Variants in SLC39A14 observed in about 807,000 individuals in gnomAD.
SLC39A14 encodes the protein solute carrier family 39 member 14, also known as metal cation symporter ZIP14.
In SLC39A14, 19 loss-of-function variants were observed where a neutral mutation model predicts 45.5. The ratio of observed to expected loss-of-function variants is 0.42; its 90% CI spans 0.29 to 0.61. SLC39A14 has a LOEUF of 0.61. Ranked by LOEUF, SLC39A14 falls within the 20% of genes least tolerant of loss-of-function variation. SLC39A14 has a pLI of 0.22. For synonymous variants in SLC39A14, 264 were observed against 251.3 expected (o/e 1.05, Z -0.48); for missense variants, 447 against 616.5 (o/e 0.73, Z 2.91).
chr8:22,398,889 A>G (rs74376162), intron 1 of SLC39A14: 7,997 of 290,978 alleles, frequency 0.027, 142 homozygotes, highest in Non-Finnish European at 0.035. Flanking sequence ...GCTTTTTCCT[A>G]TGTCTCCCTC....
chr8:22,404,264 A>G (rs1419130541), intron 1 of SLC39A14, among the ~76,000 whole-genome samples: 2 of 152,036 alleles, frequency 1.3e-5, no homozygotes, highest in African/African-American at 4.8e-5. Context: ...TCTCTACTAA[A>G]TATAGAAAAA....
chr8:22,422,278 C>G lies in SLC39A14; in HGVS notation c.*2580C>G. The G allele has an allele frequency of 1.0e-6, 1 of 985,598 alleles. No homozygotes were observed. Among genetic ancestry groups the G allele is most frequent in the Non-Finnish European group, 1.2e-6 (1 of 829,924 alleles). The allele number at this position is 985,598 out of a possible 1,614,324, so 61.1% of individuals were successfully genotyped here. A position where few individuals can be genotyped will look rare whatever the true frequency, so the allele number is the denominator to read the frequency against. On this transcript the variant is annotated 3_prime_UTR_variant, in exon 9 of 9. Transcript: ENST00000381237. ...GTGAGGCAGGGACAGGGGTTCTGCT[C>G]CTTCTCACTTCACCACCGGCACACA...
intron 1 of SLC39A14, among the ~76,000 whole-genome samples, chr8:22,375,195 C>T (rs1205327823): frequency 6.7e-6 from 1 of 148,712 alleles, no homozygotes; most frequent in Non-Finnish European, 1.5e-5. Context: ...GAAGTCTCTC[C>T]CAGAAACTGT....
chr8:22,421,447 A>G lies in SLC39A14; in HGVS notation c.*1749A>G, dbSNP rs747765350. ...ATTTGAGAATACGCTGAAGAGGGAAAATTTCAGTGATGGAGATTCTAGATT... is the reference window on the plus strand; with the variant it reads ...ATTTGAGAATACGCTGAAGAGGGAAGATTTCAGTGATGGAGATTCTAGATT... On this transcript the variant is annotated 3_prime_UTR_variant, in exon 9 of 9. Coordinates refer to ENST00000381237, the MANE Select transcript of SLC39A14 (RefSeq NM_001128431.4). 71 of 985,540 alleles carry G rather than the reference A, an allele frequency of 7.2e-5. No homozygotes were observed. The highest frequency in any genetic ancestry group is 8.1e-5 in the Non-Finnish European group (67 of 829,826). 61.0% of individuals were successfully genotyped at this position (985,540 alleles called of 1,614,324 possible).
intron 7 of SLC39A14, among the ~76,000 whole-genome samples, chr8:22,416,909 G>C (rs900455233): frequency 5.3e-5 from 8 of 152,180 alleles, no homozygotes; most frequent in African/African-American, 1.9e-4. Context: ...CAAAGGGTGA[G>C]AGGGACTTCC....
chr8:22,420,686 C>G lies in SLC39A14; in HGVS notation c.*988C>G. The G allele has an allele frequency of 1.0e-6, 1 of 985,368 alleles. No individual in the cohort carries two copies. The highest frequency in any genetic ancestry group is 1.2e-6 in the Non-Finnish European group (1 of 829,914). 61.0% of individuals were successfully genotyped at this position (985,368 alleles called of 1,614,324 possible). A position where few individuals can be genotyped will look rare whatever the true frequency, so the allele number is the denominator to read the frequency against. ...TTGTAGAAATGGGGTGCCATTTATG[C>G]TCTACTTAGACAAGGGTAATCAGAA... On this transcript the variant is annotated 3_prime_UTR_variant, in exon 9 of 9. Transcript: ENST00000381237.
chr8:22,389,688 G>T (rs144319573), intron 1 of SLC39A14, among the ~76,000 whole-genome samples: 1 of 152,158 alleles, frequency 6.6e-6, no homozygotes, highest in African/African-American at 2.4e-5. Flanking sequence ...AGAGGCTTAG[G>T]GGGGCTATCA....
chr8:22,396,331 C>T (rs1377343837), intron 1 of SLC39A14, among the ~76,000 whole-genome samples: 2 of 142,990 alleles, frequency 1.4e-5, no homozygotes, highest in African/African-American at 5.2e-5. Flanking sequence ...CACGCCACTG[C>T]ACTCCAGCCT....
chr8:22,417,470 C>G (rs984059882), intron 7 of SLC39A14, among the ~76,000 whole-genome samples, 181 bp from the exon 8 acceptor site: 3 of 152,140 alleles, frequency 2.0e-5, no homozygotes, highest in Non-Finnish European at 4.4e-5. Context: ...TCGGTGCCCT[C>G]TGTCTCCCAC....
intron 8 of SLC39A14, among the ~76,000 whole-genome samples, chr8:22,432,552 C>A (rs1836482531): frequency 6.6e-6 from 1 of 151,518 alleles, no homozygotes; most frequent in Non-Finnish European, 1.5e-5. Context: ...GATCATGGTT[C>A]ACTTCAGCCT....
At chr8:22,387,114 A>G (rs1833834719) in intron 1 of SLC39A14, among the ~76,000 whole-genome samples, 5 of 151,434 alleles carry the variant, frequency 3.3e-5, no homozygotes, top group African/African-American at 1.2e-4. Flanking sequence ...TCAAGGCTGC[A>G]GTGAGCTGTG....
At chr8:22,384,889 A>C (rs933011280) in intron 1 of SLC39A14, among the ~76,000 whole-genome samples, 11 of 152,078 alleles carry the variant, frequency 7.2e-5, no homozygotes, top group Non-Finnish European at 1.5e-4. Context: ...GTCTCTACTA[A>C]AAATACAAAA....
intron 2 of SLC39A14, 65 bp from the exon 3 acceptor site, chr8:22,408,245 C>T: frequency 7.0e-7 from 1 of 1,432,036 alleles, no homozygotes; most frequent in Non-Finnish European, 9.6e-7. Flanking sequence ...GAGTAGGTTG[C>T]TGTTTAGCAG....
chr8:22,386,336 G>A (rs1263229883), intron 1 of SLC39A14, among the ~76,000 whole-genome samples: 2 of 149,738 alleles, frequency 1.3e-5, no homozygotes, highest in East Asian at 2.0e-4. Context: ...GCACGATCTC[G>A]GCTCACTGCA....
intron 1 of SLC39A14, among the ~76,000 whole-genome samples, chr8:22,394,986 T>C (rs529953024): frequency 2.0e-5 from 3 of 151,702 alleles, no homozygotes; most frequent in African/African-American, 7.3e-5. Context: ...GAAAGAAGTT[T>C]TAGTATGTTT....
chr8:22,428,965 C>G (rs1444215166), intron 8 of SLC39A14, among the ~76,000 whole-genome samples: 1 of 152,060 alleles, frequency 6.6e-6, no homozygotes, highest in African/African-American at 2.4e-5. Context: ...TGCATTGTGT[C>G]TTTGTCTTGA....
chr8:22,422,273 C>T lies in SLC39A14; in HGVS notation c.*2575C>T. 3.0e-6 allele frequency: 3 copies of T among 985,586 alleles called. No homozygotes were observed. The highest frequency in any genetic ancestry group is 1.1e-4 in the East Asian group (1 of 8,816). 61.1% of individuals were successfully genotyped at this position (985,586 alleles called of 1,614,324 possible). A position where few individuals can be genotyped will look rare whatever the true frequency, so the allele number is the denominator to read the frequency against. ...GAACAGTGAGGCAGGGACAGGGGTT[C>T]TGCTCCTTCTCACTTCACCACCGGC... is the stretch of plus-strand genomic sequence containing the variant. On this transcript the variant is annotated 3_prime_UTR_variant, in exon 9 of 9. Transcript: ENST00000381237.
intron 1 of SLC39A14, among the ~76,000 whole-genome samples, chr8:22,380,415 C>G (rs897445046): frequency 8.5e-5 from 13 of 152,134 alleles, no homozygotes; most frequent in African/African-American, 2.7e-4. Flanking sequence ...AGGCCAGTTC[C>G]TGGGGCTAGA....
At chr8:22,401,783 G>GCCTTGGTCT (rs1373630826) in intron 1 of SLC39A14, among the ~76,000 whole-genome samples, 2 of 151,884 alleles carry the variant, frequency 1.3e-5, no homozygotes, top group African/African-American at 4.8e-5. Context: ...TGATCTGCTG[G>GCCTTGGTCT]CCTTGGTCTC....
Sources: gnomAD v4.1 joint callset for allele counts (sites outside exome capture counted in the v4.1 genomes callset) on GRCh38, gnomAD v4.1.1 for gene constraint, MANE v1.5 for transcripts, NCBI Gene and HGNC (gene_info 2026-07-23, HGNC 2026-07-21) for gene names.